Variants in YTHDC2 observed in about 807,000 individuals in gnomAD.
YTHDC2 encodes the protein 3'-5' RNA helicase YTHDC2.
Under a neutral mutation model 174.9 loss-of-function variants are expected in YTHDC2, and 45 were observed. That is an observed-to-expected ratio of 0.26 (90% CI 0.20 to 0.33). YTHDC2 has a LOEUF of 0.33. YTHDC2 is among the 10% of genes least tolerant of loss of function. The pLI is 1.00. For missense variants in YTHDC2, 1,650 were observed against 1,723.7 expected, an observed-to-expected ratio of 0.96 and a Z score of 0.76; for synonymous variants, 657 against 574.5, an observed-to-expected ratio of 1.14 and a Z score of -2.05.
chr5:113,526,509 A>G, intron 3 of YTHDC2, 77 bp from the exon 4 acceptor site: 1 of 1,194,436 alleles, frequency 8.4e-7, no homozygotes, highest in Non-Finnish European at 1.1e-6. Context: ...TAGGTTTGGC[A>G]AAAAAAATTA....
chr5:113,553,178 CA>C lies in YTHDC2; in HGVS notation c.1689-2del. The C allele has an allele frequency of 1.3e-6, 1 of 782,190 alleles. No homozygotes were observed. Among genetic ancestry groups the C allele is most frequent in the Non-Finnish European group, 1.7e-6 (1 of 594,474 alleles). 48.5% of individuals were successfully genotyped at this position (782,190 alleles called of 1,614,324 possible). A position where few individuals can be genotyped will look rare whatever the true frequency, so the allele number is the denominator to read the frequency against. The stretch of plus-strand genomic sequence containing the variant: ...TTGTCTTTTTTTTTTTTTTTTTTTT[CA>C]GTGCTACACTGGAATTTGGAAATCT... On this transcript the variant is annotated splice_acceptor_variant, in intron 12 of 29. Coordinates refer to ENST00000161863, the MANE Select transcript of YTHDC2 (RefSeq NM_022828.5). LOFTEE classifies it high-confidence loss of function.
At chr5:113,588,265 C>T (rs1304829787) in intron 26 of YTHDC2, among the ~76,000 whole-genome samples, 1 of 152,110 alleles carries the variant, frequency 6.6e-6, no homozygotes, top group Non-Finnish European at 1.5e-5. Context: ...AGCCACATAT[C>T]TTTCCCTTGA....
intron 6 of YTHDC2, 148 bp from the exon 7 acceptor site, chr5:113,535,494 C>A (rs1774992172): frequency 4.5e-6 from 3 of 672,748 alleles, no homozygotes; most frequent in Non-Finnish European, 6.7e-6. Flanking sequence ...TTCTGAAATT[C>A]CTGTAATACA....
intron 7 of YTHDC2, among the ~76,000 whole-genome samples, chr5:113,536,429 G>A (rs1775078307): frequency 1.3e-5 from 2 of 152,202 alleles, no homozygotes; most frequent in Admixed American, 6.5e-5. Context: ...GGAGGCTAAG[G>A]CAGGAGAATG....
At chr5:113,559,697 A>C (rs1776834189) in intron 17 of YTHDC2, among the ~76,000 whole-genome samples, 1 of 152,238 alleles carries the variant, frequency 6.6e-6, no homozygotes, top group Non-Finnish European at 1.5e-5. Context: ...GGGTGCCAAA[A>C]CCATTGCTTC....
At chr5:113,517,440 TC>T (rs1773511854) in intron 2 of YTHDC2, among the ~76,000 whole-genome samples, 1 of 152,210 alleles carries the variant, frequency 6.6e-6, no homozygotes, top group Admixed American at 6.5e-5. Context: ...AGAGTAGACT[TC>T]CTGTCCTTCT....
At chr5:113,525,632 A>C (rs890563291) in intron 3 of YTHDC2, among the ~76,000 whole-genome samples, 1 of 152,088 alleles carries the variant, frequency 6.6e-6, no homozygotes, top group African/African-American at 2.4e-5. Context: ...GCCATAACAC[A>C]CTAATAAGTG....
intron 5 of YTHDC2, among the ~76,000 whole-genome samples, chr5:113,533,797 A>G (rs1774861076): frequency 2.0e-5 from 3 of 152,200 alleles, no homozygotes; most frequent in Admixed American, 2.0e-4. Flanking sequence ...GAGTGCCAAC[A>G]TGACACTCAA....
rs145683344 is a variant in YTHDC2 at position 113,578,199 on chromosome 5, T to G, written c.3245-1387T>G. ...TGTGTATCTGTGTGTGTGTGTGTGTTTTTGTTTTTAAGAGACAGGGTTTCA... is the reference window on the plus strand; with the variant it reads ...TGTGTATCTGTGTGTGTGTGTGTGTGTTTGTTTTTAAGAGACAGGGTTTCA... On this transcript the variant is annotated intron_variant, in intron 23 of 29. Transcript: ENST00000161863. Among the ~76,000 whole-genome samples, 554 of 150,516 alleles carry G rather than the reference T, an allele frequency of 3.7e-3. 4 individuals carry two copies. The highest frequency in any genetic ancestry group is 5.0e-3 in the Non-Finnish European group (334 of 67,216).
At chr5:113,565,764 A>G in intron 20 of YTHDC2, 129 bp from the exon 21 acceptor site, 1 of 893,936 alleles carries the variant, frequency 1.1e-6, no homozygotes, top group Non-Finnish European at 1.6e-6. Context: ...AAAGTCTTAG[A>G]TTTTATAGAA....
intron 3 of YTHDC2, 116 bp downstream of exon 3, chr5:113,525,293 T>A (rs1013955505): frequency 1.1e-6 from 1 of 921,422 alleles, no homozygotes; most frequent in Non-Finnish European, 1.6e-6. Context: ...ATTGGAATAG[T>A]TTGTTAGAAA....
chr5:113,579,720 T>C (rs1561700787), intron 24 of YTHDC2, 25 bp downstream of exon 24: 1 of 1,571,242 alleles, frequency 6.4e-7, no homozygotes, highest in South Asian at 1.2e-5. Context: ...AGTAGTGTAA[T>C]AAATTTCTTT....
chr5:113,574,627 A>G (rs1416136472), intron 23 of YTHDC2, among the ~76,000 whole-genome samples: 1 of 152,132 alleles, frequency 6.6e-6, no homozygotes, highest in Non-Finnish European at 1.5e-5. Flanking sequence ...CAGACAGACC[A>G]ACCCACTGCT....
rs34053583 is a variant in YTHDC2, at chr5:113,553,157, C to CTTTT, written c.1689-7_1689-4dup. The CTTTT allele has an allele frequency of 1.6e-4, 175 of 1,098,422 alleles. 4 individuals carry two copies. Among genetic ancestry groups the CTTTT allele is most frequent in the South Asian group, 5.7e-4 (25 of 43,720 alleles). 68.0% of individuals were successfully genotyped at this position (1,098,422 alleles called of 1,614,324 possible). On this transcript the variant is annotated intron_variant, in intron 12 of 29. Transcript: ENST00000161863. ...TTTTGTTAATGGAAATTGACTTTGT[C>CTTTT]TTTTTTTTTTTTTTTTTTTTCAGTG...
chr5:113,564,191 A>G, intron 20 of YTHDC2, 60 bp downstream of exon 20: 1 of 1,456,798 alleles, frequency 6.9e-7, no homozygotes, highest in Non-Finnish European at 9.1e-7. Context: ...TTCTGGGGCA[A>G]ATGTAGGAAT....
intron 20 of YTHDC2, among the ~76,000 whole-genome samples, chr5:113,564,407 T>G (rs994260409): frequency 6.6e-6 from 1 of 152,178 alleles, no homozygotes; most frequent in African/African-American, 2.4e-5. Flanking sequence ...ACCAGGTTTC[T>G]TTAAATCATG....
Position 113,589,432 on chromosome 5 carries a change from T to TAC in YTHDC2, c.3826-1609_3826-1608insAC, listed in dbSNP as rs1458933189. Reference sequence around the variant, plus strand: ...AAATATATATATATATATATATATATGTATATATATCTTCTGGCCCGGCGT... The same window carrying TAC: ...AAATATATATATATATATATATATATACGTATATATATCTTCTGGCCCGGCGT... On this transcript the variant is annotated intron_variant, in intron 26 of 29. Coordinates refer to ENST00000161863, the MANE Select transcript of YTHDC2 (RefSeq NM_022828.5). Among the ~76,000 whole-genome samples the TAC allele has an allele frequency of 8.3e-5, 12 of 144,910 alleles. No individual in the cohort carries two copies. In the East Asian group the frequency reaches 2.4e-3, roughly 29 times the overall value.
chr5:113,567,323 T>C, intron 22 of YTHDC2, 26 bp downstream of exon 22: 1 of 1,573,158 alleles, frequency 6.4e-7, no homozygotes, highest in Non-Finnish European at 8.6e-7. Context: ...TGCTGTTGGG[T>C]TTTGAGGTGA....
chr5:113,515,099 A>G (rs1384660288), intron 1 of YTHDC2, among the ~76,000 whole-genome samples, 173 bp from the exon 2 acceptor site: 1 of 152,194 alleles, frequency 6.6e-6, no homozygotes, highest in South Asian at 2.1e-4. Flanking sequence ...TTAATAAAAT[A>G]TCTTAATTTT....
Sources: gnomAD v4.1 joint callset for allele counts (sites outside exome capture counted in the v4.1 genomes callset) on GRCh38, gnomAD v4.1.1 for gene constraint, MANE v1.5 for transcripts, NCBI Gene and HGNC (gene_info 2026-07-23, HGNC 2026-07-21) for gene names.